TAB2: variants seen among roughly 807,000 people sequenced by gnomAD.
TAB2 encodes the protein TGF-beta activated kinase 1 (MAP3K7) binding protein 2.
In TAB2, 3 loss-of-function variants were observed where a neutral mutation model predicts 65.0. The ratio of observed to expected loss-of-function variants is 0.05; its 90% CI spans 0.02 to 0.12. TAB2 has a LOEUF of 0.12. TAB2 is among the 10% of genes least tolerant of loss of function. The pLI is 1.00. For synonymous variants in TAB2, 298 were observed against 285.1 expected (o/e 1.05, Z -0.46); for missense variants, 623 against 840.3 (o/e 0.74, Z 3.20).
intron 1 of TAB2, among the ~76,000 whole-genome samples, chr6:149,224,897 G>A (rs1355778908): frequency 2.6e-5 from 4 of 152,188 alleles, no homozygotes; most frequent in African/African-American, 9.7e-5. Context: ...GAAAGTGCCA[G>A]TGTAATTGAT....
chr6:149,232,551 G>A (rs192881578), intron 1 of TAB2, among the ~76,000 whole-genome samples: 34 of 152,178 alleles, frequency 2.2e-4, no homozygotes, highest in Non-Finnish European at 3.2e-4. Context: ...ATTAACACAA[G>A]ACAGAACTAT....
intron 2 of TAB2, 38 bp downstream of exon 2, chr6:149,370,137 C>G: frequency 6.5e-7 from 1 of 1,538,904 alleles, no homozygotes; most frequent in Non-Finnish European, 9.0e-7. Flanking sequence ...TTAATACAAA[C>G]CTGGTATTTT....
chr6:149,312,210 A>G (rs1779177315), intron 1 of TAB2, among the ~76,000 whole-genome samples: 1 of 152,242 alleles, frequency 6.6e-6, no homozygotes, highest in African/African-American at 2.4e-5. Context: ...GCATCACACA[A>G]CACATACATA....
intron 1 of TAB2, among the ~76,000 whole-genome samples, chr6:149,250,622 A>G (rs1777839955): frequency 6.6e-6 from 1 of 152,170 alleles, no homozygotes; most frequent in Admixed American, 6.5e-5. Context: ...ACTTTTTTAA[A>G]TTAGGGAAAT....
At chr6:149,241,942 C>A (rs574400613) in intron 1 of TAB2, among the ~76,000 whole-genome samples, 1 of 152,234 alleles carries the variant, frequency 6.6e-6, no homozygotes, top group South Asian at 2.1e-4. Context: ...CTCCTGGGGG[C>A]CCCGAGGTCA....
At chr6:149,231,334 C>T (rs1191046790) in intron 1 of TAB2, among the ~76,000 whole-genome samples, 1 of 152,110 alleles carries the variant, frequency 6.6e-6, no homozygotes, top group Admixed American at 6.5e-5. Context: ...TTTTCTGTTC[C>T]ATAGAAAATG....
chr6:149,236,507 C>A (rs990981744), intron 1 of TAB2, among the ~76,000 whole-genome samples: 5 of 152,184 alleles, frequency 3.3e-5, no homozygotes, highest in Non-Finnish European at 5.9e-5. Flanking sequence ...CCCAATACAA[C>A]ACCACATCTG....
intron 3 of TAB2, among the ~76,000 whole-genome samples, chr6:149,381,556 TTCCCC>T (rs1781607802): frequency 1.3e-5 from 2 of 150,038 alleles, no homozygotes; most frequent in Non-Finnish European, 3.0e-5. Flanking sequence ...CTATCTTCAA[TTCCCC>T]TCCTATTCTT....
chr6:149,321,697 C>T (rs938965407), intron 1 of TAB2, among the ~76,000 whole-genome samples: 1 of 152,116 alleles, frequency 6.6e-6, no homozygotes, highest in African/African-American at 2.4e-5. Flanking sequence ...ACTTTATTTC[C>T]TATTCCTTAG....
intron 1 of TAB2, 105 bp from the exon 2 acceptor site, chr6:149,369,804 T>C (rs556437829): frequency 3.3e-6 from 2 of 610,618 alleles, no homozygotes; most frequent in Admixed American, 2.9e-5. Flanking sequence ...TAGTTTATAA[T>C]GTTAAGTGCT....
intron 1 of TAB2, among the ~76,000 whole-genome samples, chr6:149,325,173 C>T (rs1037716482): frequency 1.3e-5 from 2 of 152,134 alleles, no homozygotes; most frequent in Non-Finnish European, 2.9e-5. Flanking sequence ...AAGTTCAAAC[C>T]TGAGTTCTGT....
chr6:149,218,108 T>G (rs1247852693), upstream of TAB2: 1 of 152,152 alleles, frequency 6.6e-6, no homozygotes, highest in East Asian at 1.9e-4. Flanking sequence ...TTGAGCAATT[T>G]TGGGCTTTCT....
In TAB2 at chr6:149,326,749, T is replaced by C. The variant is rs377708430; in HGVS notation, c.-90+8734T>C. 7.2e-4 allele frequency among the ~76,000 whole-genome samples: 109 copies of C among 152,258 alleles called. 1 individual carries two copies. In the East Asian group the frequency reaches 0.016, roughly 22 times the overall value. On this transcript the variant is annotated intron_variant, in intron 1 of 6. Transcript: ENST00000637181. ...TTTTAGTAAAGACAGGGTTTCACCA[T>C]GTTGGCCAGGCTGGTCTCGAACTCC...
chr6:149,278,471 G>T (rs536418274), intron 1 of TAB2, among the ~76,000 whole-genome samples: 5 of 152,278 alleles, frequency 3.3e-5, no homozygotes, highest in Admixed American at 1.3e-4. Context: ...TAATAAAAGT[G>T]GGACAAATTG....
intron 1 of TAB2, among the ~76,000 whole-genome samples, chr6:149,350,224 G>A (rs7753269): frequency 0.44 from 66,210 of 151,824 alleles, 15,065 homozygotes; most frequent in Middle Eastern, 0.58. Context: ...AAGCCACTGC[G>A]CCCGGCTGGA....
intron 1 of TAB2, among the ~76,000 whole-genome samples, chr6:149,242,372 C>T (rs566240480): frequency 3.3e-5 from 5 of 152,100 alleles, no homozygotes; most frequent in Admixed American, 6.5e-5. Context: ...AGAAAGTAAC[C>T]TTTAAGTATA....
intron 1 of TAB2, among the ~76,000 whole-genome samples, chr6:149,364,325 T>C (rs1027979831): frequency 2.6e-5 from 4 of 152,156 alleles, no homozygotes; most frequent in Non-Finnish European, 5.9e-5. Flanking sequence ...CACTTCATGA[T>C]TTGGGCCCTA....
intron 1 of TAB2, among the ~76,000 whole-genome samples, chr6:149,285,666 C>T (rs547859776): frequency 1.2e-3 from 187 of 152,266 alleles, no homozygotes; most frequent in Non-Finnish European, 2.1e-3. Context: ...AAGGAAGGCG[C>T]GTAAGAGAGA....
chr6:149,350,443 C>T (rs1314401996), intron 1 of TAB2, among the ~76,000 whole-genome samples: 1 of 151,962 alleles, frequency 6.6e-6, no homozygotes, highest in Non-Finnish European at 1.5e-5. Context: ...AAATTATTAC[C>T]GCTAATGGCT....
Sources: allele counts gnomAD v4.1 joint callset (sites outside exome capture counted in the v4.1 genomes callset), GRCh38; gene constraint gnomAD v4.1.1; transcripts MANE v1.5; gene names NCBI Gene and HGNC (gene_info 2026-07-23, HGNC 2026-07-21).